The following CCNI variants were observed in gnomAD, a reference collection of about 807,000 sequenced individuals.
CCNI encodes the protein cyclin-I.
A neutral mutation model predicts 34.1 loss-of-function variants in CCNI; 14 were observed. The observed-to-expected ratio is 0.41, with a 90% confidence interval of 0.27 to 0.64. The LOEUF (loss-of-function observed/expected upper bound fraction) is 0.64. Among genes scored for constraint, CCNI ranks in the 30% least tolerant of loss-of-function variants. The pLI is 0.31. For missense variants in CCNI, 385 were observed against 440.5 expected, an observed-to-expected ratio of 0.87 and a Z score of 1.13; for synonymous variants, 154 against 158.4, an observed-to-expected ratio of 0.97 and a Z score of 0.21.
At chr4:77,058,478 T>C (rs779948836) in intron 3 of CCNI, 29 bp downstream of exon 3, 11 of 1,583,748 alleles carry the variant, frequency 6.9e-6, no homozygotes, top group East Asian at 6.7e-5. Flanking sequence ...CAAATGAGGT[T>C]ATATGTAAGT....
chr4:77,053,277 G>T (rs1347402665), intron 6 of CCNI, among the ~76,000 whole-genome samples: 1 of 152,056 alleles, frequency 6.6e-6, no homozygotes, highest in Non-Finnish European at 1.5e-5. Flanking sequence ...GGTTTGTGTG[G>T]TATGAAAAAA....
intron 2 of CCNI, among the ~76,000 whole-genome samples, chr4:77,064,557 A>C (rs920202285): frequency 6.7e-6 from 1 of 148,930 alleles, no homozygotes; most frequent in African/African-American, 2.5e-5. Context: ...ATTCCCAACT[A>C]ATCTAAAAAT....
At position 77,075,607 on chromosome 4, in the gene CCNI, G is replaced by A. The variant is rs1253882581; in HGVS notation, c.-179C>T. 19 of 982,580 alleles carry A rather than the reference G, an allele frequency of 1.9e-5. No individual in the cohort carries two copies. The highest frequency in any genetic ancestry group is 2.2e-5 in the Non-Finnish European group (18 of 825,502). 60.9% of individuals were successfully genotyped at this position (982,580 alleles called of 1,614,324 possible). The stretch of plus-strand genomic sequence containing the variant: ...GAGGCGGTGCGCGCGGGACGACTCG[G>A]CCAACTGAGGAGGGAGAAAGGGGAA... On this transcript the variant is annotated 5_prime_UTR_variant, in exon 1 of 7. Coordinates refer to ENST00000237654, the MANE Select transcript of CCNI (RefSeq NM_006835.3).
rs778409778 is a variant in CCNI, at chr4:77,055,930, A to G, written c.459+32T>C. The stretch of plus-strand genomic sequence containing the variant: ...AATTTACTGAAAACTACACACTCAA[A>G]TAAGAAACTAAAAGACTTCAGGTAT... On this transcript the variant is annotated intron_variant, in intron 5 of 6. Transcript: ENST00000237654. 3.9e-6 allele frequency: 6 copies of G among 1,557,210 alleles called. No homozygotes were observed. The East Asian group carries it at 1.1e-4, about 29-fold the overall frequency.
intron 1 of CCNI, among the ~76,000 whole-genome samples, chr4:77,069,118 C>G (rs1230028906): frequency 2.0e-5 from 3 of 152,202 alleles, no homozygotes; most frequent in Non-Finnish European, 2.9e-5. Context: ...AACTCCCCAA[C>G]TACGTTATAA....
intron 6 of CCNI, among the ~76,000 whole-genome samples, chr4:77,052,373 A>G (rs1727917199): frequency 6.6e-6 from 1 of 152,206 alleles, no homozygotes; most frequent in Admixed American, 6.5e-5. Context: ...AGGAACTACA[A>G]AGACCACCAC....
intron 3 of CCNI, among the ~76,000 whole-genome samples, chr4:77,057,151 C>G (rs1728299879): frequency 6.8e-6 from 1 of 148,028 alleles, no homozygotes; most frequent in African/African-American, 2.4e-5. Flanking sequence ...AGCAACAAGT[C>G]CACATCACTC....
chr4:77,074,029 C>T lies in CCNI; in HGVS notation c.-44+1443G>A, dbSNP rs866720455. On this transcript the variant is annotated intron_variant, in intron 1 of 6. Coordinates refer to ENST00000237654, the MANE Select transcript of CCNI (RefSeq NM_006835.3). ...TAGTTTTTTATTTTTCTTACTACAC[C>T]CCCATTTCAGCCATAAAGCCCATTT... is the stretch of plus-strand genomic sequence containing the variant. Among the ~76,000 whole-genome samples, 12 of 152,128 alleles carry T rather than the reference C, an allele frequency of 7.9e-5. No individual in the cohort carries two copies. In the South Asian group the frequency reaches 8.3e-4, roughly 11 times the overall value.
At position 77,069,603 on chromosome 4, in the gene CCNI, C is replaced by T. The variant is rs543057698; in HGVS notation, c.-43-3198G>A. On this transcript the variant is annotated intron_variant, in intron 1 of 6. Coordinates refer to ENST00000237654, the MANE Select transcript of CCNI (RefSeq NM_006835.3). ...ATCCCTCCCCCCTCCCCCCACCCCA[C>T]AACAGGCCCCGGTGTGTGATGTTCC... 4.3e-4 allele frequency among the ~76,000 whole-genome samples: 48 copies of T among 110,572 alleles called. 1 individual carries two copies. Among genetic ancestry groups the T allele is most frequent in the African/African-American group, 1.7e-3 (48 of 28,408 alleles). The allele number at this position is 110,572 out of a possible 152,430, so 72.5% of individuals were successfully genotyped here.
chr4:77,075,412 A>C, intron 1 of CCNI, 60 bp downstream of exon 1: 3 of 704,712 alleles, frequency 4.3e-6, no homozygotes, highest in East Asian at 1.4e-4. Flanking sequence ...GCGGGGCCCC[A>C]GCGCGTCGAC....
intron 6 of CCNI, among the ~76,000 whole-genome samples, chr4:77,051,586 T>C (rs1727841440): frequency 6.6e-6 from 1 of 152,166 alleles, no homozygotes; most frequent in Admixed American, 6.5e-5. Flanking sequence ...TTCTCCAAAA[T>C]AACATCAAAA....
At chr4:77,066,133 C>T in intron 2 of CCNI, 116 bp downstream of exon 2, 3 of 810,610 alleles carry the variant, frequency 3.7e-6, no homozygotes, top group South Asian at 1.7e-5. Context: ...CTCTCAAATA[C>T]AGCACATCCT....
At chr4:77,059,303 G>C (rs1180682380) in intron 2 of CCNI, among the ~76,000 whole-genome samples, 2 of 151,640 alleles carry the variant, frequency 1.3e-5, no homozygotes, top group East Asian at 3.9e-4. Context: ...TAAAGTAATA[G>C]TGATTAGAAA....
chr4:77,050,396 C>G (rs1214655505), intron 6 of CCNI, among the ~76,000 whole-genome samples: 1 of 151,970 alleles, frequency 6.6e-6, no homozygotes, highest in African/African-American at 2.4e-5. Context: ...TCTACAAGAA[C>G]ACATTTGGTC....
At position 77,069,500 on chromosome 4, in the gene CCNI, T is replaced by A. The variant is rs184248993; in HGVS notation, c.-43-3095A>T. ...ACATGTGCACAAAGTTCAGGTTTGT[T>A]ACATATGTATACATGTGTCATGTTG... On this transcript the variant is annotated intron_variant, in intron 1 of 6. Transcript: ENST00000237654. 3.8e-3 allele frequency among the ~76,000 whole-genome samples: 576 copies of A among 152,066 alleles called. 1 individual carries two copies. The highest frequency in any genetic ancestry group is 0.013 in the African/African-American group (539 of 41,466).
chr4:77,053,875 T>C (rs532316117), intron 6 of CCNI, among the ~76,000 whole-genome samples: 2 of 152,282 alleles, frequency 1.3e-5, no homozygotes, highest in African/African-American at 4.8e-5. Context: ...TTCTAAAAAT[T>C]CTAAGTAGCA....
chr4:77,050,164 T>C (rs1053984041), intron 6 of CCNI, among the ~76,000 whole-genome samples: 1 of 152,186 alleles, frequency 6.6e-6, no homozygotes, highest in African/African-American at 2.4e-5. Flanking sequence ...AATCATCTTA[T>C]TTCTACCTGT....
At chr4:77,064,969 T>C (rs1728929716) in intron 2 of CCNI, 1 of 152,172 alleles carries the variant, frequency 6.6e-6, no homozygotes, top group African/African-American at 2.4e-5. Context: ...CGTGAGCCAC[T>C]GCGTCCAGCC....
At chr4:77,071,928 T>C (rs548805095) in intron 1 of CCNI, among the ~76,000 whole-genome samples, 1 of 152,322 alleles carries the variant, frequency 6.6e-6, no homozygotes, top group East Asian at 1.9e-4. Flanking sequence ...GAAAAATCCA[T>C]GCCCAGATGG....
Sources: gnomAD v4.1 joint callset for allele counts (sites outside exome capture counted in the v4.1 genomes callset) on GRCh38, gnomAD v4.1.1 for gene constraint, MANE v1.5 for transcripts, NCBI Gene and HGNC (gene_info 2026-07-23, HGNC 2026-07-21) for gene names.